Variants in GDF1 observed in about 807,000 individuals in gnomAD.
The protein encoded by GDF1 is growth differentiation factor 1, also known as embryonic growth/differentiation factor 1.
GDF1 carries 8 observed loss-of-function variants against 7.4 expected under a neutral mutation model. The observed-to-expected ratio is 1.09, with a 90% CI of 0.64 to 1.96. The LOEUF is 1.96. Ranked by LOEUF, GDF1 falls within the 30% of genes most tolerant of loss-of-function variation. The pLI is 0.00. For missense variants in GDF1, 574 were observed against 551.5 expected (o/e 1.04, Z -0.41); for synonymous variants, 311 against 276.7 (o/e 1.12, Z -1.23).
Position 18,878,136 on chromosome 19 carries a change from C to T in GDF1, c.-313+794G>A, listed in dbSNP as rs10426520. On this transcript the variant is annotated intron_variant, in intron 6 of 7. Transcript: ENST00000247005. The surrounding 1 kb of genome is among the most constrained non-coding windows in gnomAD (Gnocchi z 4.6). ...TTCCCACGTCACCGATGGCCCCCAC[C>T]GGCCAAATCAGAGGGCCTGGCTGGT... 7,943 of 985,502 alleles carry T rather than the reference C, an allele frequency of 8.1e-3. 515 individuals carry two copies. In the African/African-American group the frequency reaches 0.13, roughly 16 times the overall value. 61.0% of individuals were successfully genotyped at this position (985,502 alleles called of 1,614,324 possible). A position where few individuals can be genotyped will look rare whatever the true frequency, so the allele number is the denominator to read the frequency against.
At chr19:18,882,957 G>A (rs2056252221) in intron 3 of GDF1, 1 of 152,152 alleles carries the variant, frequency 6.6e-6, no homozygotes, top group Non-Finnish European at 1.5e-5. Context: ...TCGCAAAGTG[G>A]TGGGATTACA....
At position 18,895,878 on chromosome 19, in the gene GDF1, G is replaced by A. The variant is rs1314472712; in HGVS notation, c.-1128C>T. On this transcript the variant is annotated 5_prime_UTR_variant, in exon 1 of 8. Transcript: ENST00000247005. The surrounding 1 kb of genome is among the most constrained non-coding windows in gnomAD (Gnocchi z 6.4). ...GCAGGGCGGTCCAGCCCAGCGCGCC[G>A]AGCGCCAGCAGCAGCAGCTCGGGCG... 13 of 1,282,856 alleles carry A rather than the reference G, an allele frequency of 1.0e-5. No individual in the cohort carries two copies. Among genetic ancestry groups the A allele is most frequent in the African/African-American group, 7.9e-5 (5 of 62,904 alleles). The allele number at this position is 1,282,856 out of a possible 1,614,324, so 79.5% of individuals were successfully genotyped here.
At chr19:18,892,048 C>A (rs1218816794) in intron 2 of GDF1, among the ~76,000 whole-genome samples, 2 of 152,046 alleles carry the variant, frequency 1.3e-5, no homozygotes, top group Admixed American at 6.6e-5. Context: ...CACGCGCCAC[C>A]ATGCCTGGCT....
chr19:18,879,013 C>T lies in GDF1; in HGVS notation c.-396G>A. 1 of 1,613,762 alleles carries T rather than the reference C, an allele frequency of 6.2e-7. No individual in the cohort carries two copies. Among genetic ancestry groups the T allele is most frequent in the Non-Finnish European group, 8.5e-7 (1 of 1,179,854 alleles). On this transcript the variant is annotated 5_prime_UTR_variant, in exon 6 of 8. Transcript: ENST00000247005. ...TCAGCTCGTGCACCTGGCCTGTCAA[C>T]ACCTTGGCTGCAAACGCCACGATGT...
chr19:18,887,724 G>T (rs1169148549), intron 2 of GDF1, among the ~76,000 whole-genome samples: 1 of 143,450 alleles, frequency 7.0e-6, no homozygotes, highest in Non-Finnish European at 1.5e-5. Context: ...AGCCTGGGCA[G>T]CAAGAGTGAA....
At chr19:18,885,590 G>A (rs1293317186) in intron 2 of GDF1, among the ~76,000 whole-genome samples, 1 of 148,804 alleles carries the variant, frequency 6.7e-6, no homozygotes, top group Admixed American at 6.7e-5. Context: ...CGGGATCTCG[G>A]CTCACTGCAA....
At position 18,868,617 on chromosome 19, in the gene GDF1, C is replaced by G. The variant is rs1466920594; in HGVS notation, c.1099G>C (p.Asp367His). Residue 367 changes from aspartate (D) to histidine (H), a missense_variant, in exon 8 of 8, where the codon GAC (aspartate) becomes CAC (histidine). Coordinates refer to ENST00000247005, the MANE Select transcript of GDF1 (RefSeq NM_001492.6). ...CCGGGTTAGCGGCAGCCGCACTCGTCCACCACCATGTCCTCATACTGCCGC... is the reference window on the plus strand; with the variant it reads ...CCGGGTTAGCGGCAGCCGCACTCGTGCACCACCATGTCCTCATACTGCCGC... ...VLRQYEDMVV[D>H]ECGCR 1 of 1,566,648 alleles carries G rather than the reference C, an allele frequency of 6.4e-7. No homozygotes were observed. The highest frequency in any genetic ancestry group is 8.7e-7 in the Non-Finnish European group (1 of 1,155,836).
chr19:18,890,356 A>G (rs2146059286), intron 2 of GDF1, among the ~76,000 whole-genome samples: 1 of 152,324 alleles, frequency 6.6e-6, no homozygotes, highest in South Asian at 2.1e-4. Context: ...CCCCTGCCAC[A>G]CGGCCAGCTT....
chr19:18,892,811 T>C (rs1247906254), intron 2 of GDF1, among the ~76,000 whole-genome samples: 1 of 152,148 alleles, frequency 6.6e-6, no homozygotes, highest in East Asian at 1.9e-4. Context: ...CACGGCCAGA[T>C]ACCCCCTTTC....
intron 1 of GDF1, among the ~76,000 whole-genome samples, chr19:18,894,842 G>A (rs1221650127): frequency 6.6e-6 from 1 of 152,132 alleles, no homozygotes; most frequent in East Asian, 1.9e-4. Flanking sequence ...GCAGAGAAAG[G>A]CCCCTTTGTT....
Position 18,870,619 on chromosome 19 carries a change from C to G in GDF1, c.-312G>C. On this transcript the variant is annotated splice_region_variant and 5_prime_UTR_variant, in exon 7 of 8. Coordinates refer to ENST00000247005, the MANE Select transcript of GDF1 (RefSeq NM_001492.6). The surrounding 1 kb of genome is among the most constrained non-coding windows in gnomAD (Gnocchi z 5.1). ...TCACCAGGCCGTTCCTCAGTGGCTT[C>G]CTGGGGGTCAGAACCGGCGCAGGTT... is the stretch of plus-strand genomic sequence containing the variant. The G allele has an allele frequency of 3.5e-6, 2 of 576,122 alleles. No individual in the cohort carries two copies. Among genetic ancestry groups the G allele is most frequent in the South Asian group, 2.5e-5 (1 of 40,436 alleles). The allele number at this position is 576,122 out of a possible 1,614,324, so 35.7% of individuals were successfully genotyped here. A position where few individuals can be genotyped will look rare whatever the true frequency, so the allele number is the denominator to read the frequency against.
rs1256808034 is a variant in GDF1, at chr19:18,895,682, G to C, written c.-1074+142C>G. Reference sequence around the variant, plus strand: ...CCAACGTCCTGGGCCTCTCCAGCCCGAGGCCCCCACCCACGTTCCGGCGAC... The same window carrying C: ...CCAACGTCCTGGGCCTCTCCAGCCCCAGGCCCCCACCCACGTTCCGGCGAC... On this transcript the variant is annotated intron_variant, in intron 1 of 7. Transcript: ENST00000247005. This position sits in a 1 kb window ranked among gnomAD's most constrained non-coding sequence, Gnocchi z 6.4. 8.7e-6 allele frequency: 3 copies of C among 344,988 alleles called. No individual in the cohort carries two copies. Among genetic ancestry groups the C allele is most frequent in the Non-Finnish European group, 1.4e-5 (3 of 212,284 alleles). The allele number at this position is 344,988 out of a possible 1,614,324, so 21.4% of individuals were successfully genotyped here.
At position 18,876,509 on chromosome 19, in the gene GDF1, TTTTTG is replaced by T. The variant is rs1297037794; in HGVS notation, c.-313+2416_-313+2420del. Among the ~76,000 whole-genome samples the T allele has an allele frequency of 9.3e-4, 139 of 149,778 alleles. 1 individual carries two copies. Among genetic ancestry groups the T allele is most frequent in the African/African-American group, 2.8e-3 (113 of 40,554 alleles). On this transcript the variant is annotated intron_variant, in intron 6 of 7. Coordinates refer to ENST00000247005, the MANE Select transcript of GDF1 (RefSeq NM_001492.6). Reference sequence around the variant, plus strand: ...GGTGTGTGCCACAACACATGGCTGTTTTTTGTTTTGTTTTGTTTTGATTGGGTTGT... The same window carrying T: ...GGTGTGTGCCACAACACATGGCTGTTTTTTGTTTTGTTTTGATTGGGTTGT...
rs1485381353 is a variant in GDF1 at position 18,870,490 on chromosome 19, G to GA, written c.-184_-183insT. 11 of 569,036 alleles carry GA rather than the reference G, an allele frequency of 1.9e-5. No individual in the cohort carries two copies. The highest frequency in any genetic ancestry group is 1.8e-4 in the Admixed American group (5 of 28,518). The allele number at this position is 569,036 out of a possible 1,614,324, so 35.2% of individuals were successfully genotyped here. A position where few individuals can be genotyped will look rare whatever the true frequency, so the allele number is the denominator to read the frequency against. On this transcript the variant is annotated 5_prime_UTR_variant, in exon 7 of 8. Transcript: ENST00000247005. This position sits in a 1 kb window ranked among gnomAD's most constrained non-coding sequence, Gnocchi z 5.1. ...GCGGCGGCCCTAGAGGAGCAGAGTTGGAGGGGGTGGAGGGGCGGCCAAGGA... is the reference window on the plus strand; with the variant it reads ...GCGGCGGCCCTAGAGGAGCAGAGTTGAGAGGGGGTGGAGGGGCGGCCAAGGA...
chr19:18,869,058 G>A lies in GDF1; in HGVS notation c.658C>T (p.Arg220Cys), dbSNP rs1037827220. The A allele has an allele frequency of 1.9e-6, 2 of 1,061,722 alleles. No homozygotes were observed. Among genetic ancestry groups the A allele is most frequent in the Non-Finnish European group, 2.3e-6 (2 of 880,230 alleles). The allele number at this position is 1,061,722 out of a possible 1,614,324, so 65.8% of individuals were successfully genotyped here. The change falls in exon 8 of 8, where the codon CGC becomes TGC. Residue 220 changes from arginine (R) to cysteine (C), a missense_variant. Coordinates refer to ENST00000247005, the MANE Select transcript of GDF1 (RefSeq NM_001492.6). ...GCGCAGGCGGCAGGGGCCCGGGGGCGTAGCGCCAGCGCCAGGCGGAGGCTG... is the reference window on the plus strand; with the variant it reads ...GCGCAGGCGGCAGGGGCCCGGGGGCATAGCGCCAGCGCCAGGCGGAGGCTG... ...PRSLRLALAL[R>C]PRAPAACARL...
intron 6 of GDF1, among the ~76,000 whole-genome samples, chr19:18,877,214 C>A (rs1200542298): frequency 6.6e-6 from 1 of 152,230 alleles, no homozygotes; most frequent in African/African-American, 2.4e-5. Flanking sequence ...GAGGACATGC[C>A]AGCTCTTACC....
intron 2 of GDF1, among the ~76,000 whole-genome samples, chr19:18,885,511 GTTTTTTTT>G (rs59793456): frequency 4.1e-4 from 9 of 22,120 alleles, no homozygotes; most frequent in Non-Finnish European, 1.2e-4. Context: ...GCCCCTTCTC[GTTTTTTTT>G]TTTTTTTTTT....
rs575226758 is a variant in GDF1 at position 18,895,214 on chromosome 19, A to G, written c.-1074+610T>C. 6.6e-6 allele frequency among the ~76,000 whole-genome samples: 1 copy of G among 152,308 alleles called. No homozygotes were observed. The highest frequency in any genetic ancestry group is 1.5e-5 in the Non-Finnish European group (1 of 68,014). On this transcript the variant is annotated intron_variant, in intron 1 of 7. Coordinates refer to ENST00000247005, the MANE Select transcript of GDF1 (RefSeq NM_001492.6). The surrounding 1 kb of genome is among the most constrained non-coding windows in gnomAD (Gnocchi z 6.4). ...AGGGTGGCGCTGACCCCAGATAGGC[A>G]CAAGGCAGCGACCGGGCAGCTCCTG... is the stretch of plus-strand genomic sequence containing the variant.
chr19:18,879,894 T>C (rs1366645499), intron 4 of GDF1, among the ~76,000 whole-genome samples: 1 of 145,522 alleles, frequency 6.9e-6, no homozygotes, highest in African/African-American at 2.6e-5. Context: ...GCCCTACCTC[T>C]TTCTCTGCCT....
Sources: allele counts gnomAD v4.1 joint callset (sites outside exome capture counted in the v4.1 genomes callset), GRCh38; gene constraint gnomAD v4.1.1; non-coding constraint Gnocchi (gnomAD v3.1); transcripts MANE v1.5; gene names NCBI Gene and HGNC (gene_info 2026-07-23, HGNC 2026-07-21).